Variants in SEL1L3 observed in about 807,000 individuals in gnomAD.
SEL1L3 encodes SEL1L family member 3, also known as protein sel-1 homolog 3.
SEL1L3 carries 76 observed loss-of-function variants against 142.8 expected under a neutral mutation model. That is an observed-to-expected ratio of 0.53 (90% CI 0.44 to 0.64). The LOEUF (loss-of-function observed/expected upper bound fraction) is 0.64. Among genes scored for constraint, SEL1L3 ranks in the 30% least tolerant of loss-of-function variants. SEL1L3 has a pLI of 0.00. For missense variants in SEL1L3, 1,262 were observed against 1,381.7 expected, an observed-to-expected ratio of 0.91 and a Z score of 1.37; for synonymous variants, 504 against 519.6, an observed-to-expected ratio of 0.97 and a Z score of 0.41.
chr4:25,715,706 A>T, the SEL1L3 span, among the ~76,000 whole-genome samples: 1 of 152,164 alleles, frequency 6.6e-6, no homozygotes, highest in African/African-American at 2.4e-5. Context: ...ATTATAGTAC[A>T]TTCATATTAT....
In SEL1L3 at chr4:25,833,003, C is replaced by T. The variant is rs748712669; in HGVS notation, c.1090G>A (p.Gly364Arg). 22 of 1,589,476 alleles carry T rather than the reference C, an allele frequency of 1.4e-5. No homozygotes were observed. Among genetic ancestry groups the T allele is most frequent in the East Asian group, 8.9e-5 (4 of 44,790 alleles). ...EWFRLDISFN[G>R]GQIVVTTSIG... Reference sequence around the variant, plus strand: ...AGCGTGCATACAGATACCTGGCCTCCGTTAAAAGAGATATCCAGTCGAAAC... The same window carrying T: ...AGCGTGCATACAGATACCTGGCCTCTGTTAAAAGAGATATCCAGTCGAAAC... The change falls in exon 5 of 24, where the codon GGA (glycine) becomes AGA (arginine). Residue 364 changes from glycine (G) to arginine (R), a missense_variant. Physicochemically the swap from Gly to Arg is moderately radical, Grantham distance 125. Transcript: ENST00000399878.
At chr4:25,733,628 C>T in the SEL1L3 span, among the ~76,000 whole-genome samples, 1 of 148,058 alleles carries the variant, frequency 6.8e-6, no homozygotes, top group East Asian at 2.1e-4. Flanking sequence ...TCAAGTGATT[C>T]TCCTGCCTCA....
chr4:25,809,139 TTTTTA>T (rs564909420), intron 9 of SEL1L3, among the ~76,000 whole-genome samples: 3 of 151,326 alleles, frequency 2.0e-5, no homozygotes, highest in South Asian at 2.1e-4. Context: ...TCTTTCTTCT[TTTTTA>T]TTTTATTTTA....
intron 23 of SEL1L3, chr4:25,756,930 G>C: frequency 7.8e-7 from 1 of 1,276,726 alleles, no homozygotes; most frequent in Non-Finnish European, 1.0e-6. Flanking sequence ...ATTTTCAATG[G>C]AAGAAATTGT....
chr4:25,779,128 A>G lies in SEL1L3; in HGVS notation c.2533T>C (p.Tyr845His), dbSNP rs1719832509. The G allele has an allele frequency of 6.2e-7, 1 of 1,613,508 alleles. No homozygotes were observed. Among genetic ancestry groups the G allele is most frequent in the African/African-American group, 1.3e-5 (1 of 74,900 alleles). Residue 845 changes from tyrosine (Y) to histidine (H), a missense_variant, in exon 16 of 24, where the codon TAT becomes CAT. Tyr to His is a moderately conservative substitution (Grantham distance 83). This residue lies in a region of SEL1L3 where 435 missense variants were observed against 559.2 expected (regional missense o/e 0.78). Coordinates refer to ENST00000399878, the MANE Select transcript of SEL1L3 (RefSeq NM_015187.5). ...MEGTLWCSLY[Y>H]ITGNLETFPR... The stretch of plus-strand genomic sequence containing the variant: ...AATGTCTCCAGGTTGCCTGTGATAT[A>G]GTAGAGAGAACACCACAAGGTCCCT...
the SEL1L3 span, among the ~76,000 whole-genome samples, chr4:25,715,252 G>A: frequency 6.6e-6 from 1 of 152,180 alleles, no homozygotes; most frequent in Non-Finnish European, 1.5e-5. Context: ...AGCACTTTGG[G>A]AGATTGAGGC....
intron 11 of SEL1L3, among the ~76,000 whole-genome samples, chr4:25,799,391 A>G (rs1285569204): frequency 6.6e-6 from 1 of 152,082 alleles, no homozygotes; most frequent in Admixed American, 6.6e-5. Flanking sequence ...CTCTTTTTAT[A>G]GGGACACCAG....
intron 17 of SEL1L3, among the ~76,000 whole-genome samples, chr4:25,771,992 A>G (rs929531291): frequency 2.0e-5 from 3 of 152,230 alleles, no homozygotes; most frequent in African/African-American, 7.2e-5. Context: ...AAACTGACAC[A>G]TGTAATTTGA....
intron 7 of SEL1L3, among the ~76,000 whole-genome samples, chr4:25,820,476 T>G (rs557909736): frequency 6.6e-6 from 1 of 152,352 alleles, no homozygotes; most frequent in South Asian, 2.1e-4. Context: ...ACTGTATTCT[T>G]TCATGAATTC....
upstream of SEL1L3, chr4:25,863,535 G>A (rs1283260195): frequency 1.4e-6 from 1 of 702,712 alleles, no homozygotes; most frequent in South Asian, 1.5e-5. Context: ...CAGGGCGAGT[G>A]TGCCCCCTGG....
chr4:25,769,742 G>C (rs1173673019), intron 17 of SEL1L3, among the ~76,000 whole-genome samples: 1 of 152,198 alleles, frequency 6.6e-6, no homozygotes, highest in African/African-American at 2.4e-5. Flanking sequence ...AGACAGTGTA[G>C]ACCTGCAAAC....
At chr4:25,794,636 C>T (rs1159850977) in intron 11 of SEL1L3, among the ~76,000 whole-genome samples, 1 of 152,156 alleles carries the variant, frequency 6.6e-6, no homozygotes, top group African/African-American at 2.4e-5. Flanking sequence ...TTAGTTCAAC[C>T]ATTGTGGAAG....
At chr4:25,792,090 G>T (rs1712376784) in intron 11 of SEL1L3, among the ~76,000 whole-genome samples, 1 of 152,138 alleles carries the variant, frequency 6.6e-6, no homozygotes, top group Admixed American at 6.6e-5. Flanking sequence ...AGCCATTCCT[G>T]CTGGACAGCT....
At chr4:25,837,395 A>G (rs1202733035) in intron 2 of SEL1L3, among the ~76,000 whole-genome samples, 1 of 149,600 alleles carries the variant, frequency 6.7e-6, no homozygotes, top group Non-Finnish European at 1.5e-5. Context: ...CCAATTAAAA[A>G]AAAAAGCTTC....
intron 6 of SEL1L3, among the ~76,000 whole-genome samples, chr4:25,822,801 G>A (rs940003438): frequency 1.3e-5 from 2 of 152,208 alleles, no homozygotes; most frequent in African/African-American, 4.8e-5. Flanking sequence ...GGCATTTATA[G>A]AATGCATGAA....
intron 11 of SEL1L3, among the ~76,000 whole-genome samples, chr4:25,793,111 C>T (rs775547442): frequency 1.3e-5 from 2 of 152,170 alleles, no homozygotes; most frequent in Non-Finnish European, 2.9e-5. Context: ...TATGTGGAAA[C>T]GGAGGCCCAG....
At chr4:25,732,113 G>C in the SEL1L3 span, among the ~76,000 whole-genome samples, 1 of 151,992 alleles carries the variant, frequency 6.6e-6, no homozygotes. Flanking sequence ...GAAAGAGAGA[G>C]AAAGAGAGGC....
chr4:25,767,260 G>A (rs555331758), intron 19 of SEL1L3, among the ~76,000 whole-genome samples: 84 of 152,236 alleles, frequency 5.5e-4, no homozygotes, highest in African/African-American at 1.0e-3. Flanking sequence ...ACTCCAGCCC[G>A]GGGAACAGAG....
At chr4:25,732,641 C>T in the SEL1L3 span, among the ~76,000 whole-genome samples, 1 of 152,156 alleles carries the variant, frequency 6.6e-6, no homozygotes, top group South Asian at 2.1e-4. Context: ...TGGTGAAGAG[C>T]CTGTTCAGTT....
Sources: gnomAD v4.1 joint callset for allele counts (sites outside exome capture counted in the v4.1 genomes callset) on GRCh38, gnomAD v4.1.1 for gene constraint, gnomAD v4.1.1 regional missense constraint, MANE v1.5 for transcripts, NCBI Gene and HGNC (gene_info 2026-07-23, HGNC 2026-07-21) for gene names.